Variants in CTSK observed in about 807,000 individuals in gnomAD.
CTSK encodes cathepsin O.
Under a neutral mutation model 40.5 loss-of-function variants are expected in CTSK, and 26 were observed. The observed-to-expected ratio is 0.64, with a 90% CI of 0.47 to 0.89. The LOEUF is 0.89. CTSK is among the 40% of genes least tolerant of loss of function. The probability of loss-of-function intolerance (pLI) is 0.00; values close to 1 mark genes in which losing one functional copy is unlikely to be tolerated. For missense variants in CTSK, 292 were observed against 400.1 expected (o/e 0.73, Z 2.30); for synonymous variants, 132 against 143.2 (o/e 0.92, Z 0.56).
In CTSK at chr1:150,806,737, G is replaced by A. The variant is rs1383729377; in HGVS notation, c.69C>T (p.Asp23=). The change falls in exon 2 of 8, where the codon GAC becomes GAT. Residue 23 remains aspartate (D), a synonymous_variant. Coordinates refer to ENST00000271651, the MANE Select transcript of CTSK (RefSeq NM_000396.4). The part of the protein sequence containing the change: ...SFALYPEEIL[D]THWELWKKTH... ...TCTTCTTCCATAGCTCCCAGTGGGT[G>A]TCCAGTATCTCCTCAGGGTACAGAG... is the stretch of plus-strand genomic sequence containing the variant. 1.2e-6 allele frequency: 2 copies of A among 1,613,908 alleles called. No individual in the cohort carries two copies. Among genetic ancestry groups the A allele is most frequent in the South Asian group, 1.1e-5 (1 of 91,078 alleles).
Position 150,799,194 on chromosome 1 carries a change from T to G in CTSK, c.864A>C (p.Gly288=), listed in dbSNP as rs756301555. 8 of 1,611,976 alleles carry G rather than the reference T, an allele frequency of 5.0e-6. No individual in the cohort carries two copies. In the Admixed American group the frequency reaches 1.3e-4, roughly 27 times the overall value. ...VLAVGYGIQK[G]NKHWIIKNSW... is the part of the protein sequence containing the mutation. Reference sequence around the variant, plus strand: ...TGTTTTTAATTATCCAGTGCTTGTTTCCCTTCTGGATTCCATATCCCACTG... The same window carrying G: ...TGTTTTTAATTATCCAGTGCTTGTTGCCCTTCTGGATTCCATATCCCACTG... The change falls in exon 7 of 8, where the codon GGA becomes GGC. Residue 288 remains glycine (G), a synonymous_variant. Coordinates refer to ENST00000271651, the MANE Select transcript of CTSK (RefSeq NM_000396.4).
rs199555702 is a variant in CTSK at position 150,804,023 on chromosome 1, G to T, written c.616C>A (p.Gln206Lys). ...ATAATTGTGTGGAGCAATCTCACCT[G>T]TCCCACATATGGGTAGGCATCTTCA... ...DSEDAYPYVG[Q>K]EESCMYNPTG... is the part of the protein sequence containing the mutation. The change falls in exon 5 of 8, where the codon CAG (glutamine) becomes AAG (lysine). Residue 206 changes from glutamine (Q) to lysine (K), a missense_variant and splice_region_variant. Physicochemically the swap from Gln to Lys is moderately conservative, Grantham distance 53. Transcript: ENST00000271651. 5 of 1,613,620 alleles carry T rather than the reference G, an allele frequency of 3.1e-6. No homozygotes were observed. The highest frequency in any genetic ancestry group is 4.2e-6 in the Non-Finnish European group (5 of 1,179,546).
chr1:150,796,793 C>A lies in CTSK; in HGVS notation c.*6G>T. The A allele has an allele frequency of 4.4e-6, 7 of 1,603,416 alleles. No homozygotes were observed. Among genetic ancestry groups the A allele is most frequent in the Non-Finnish European group, 6.0e-6 (7 of 1,170,190 alleles). ...GGAAGAGCAGGATGGATTTGGCTGGCTGGAGTCACATCTTGGGGAAGCTGG... is the reference window on the plus strand; with the variant it reads ...GGAAGAGCAGGATGGATTTGGCTGGATGGAGTCACATCTTGGGGAAGCTGG... On this transcript the variant is annotated 3_prime_UTR_variant, in exon 8 of 8. Coordinates refer to ENST00000271651, the MANE Select transcript of CTSK (RefSeq NM_000396.4).
At chr1:150,807,748 T>G (rs1443898149) in intron 1 of CTSK, among the ~76,000 whole-genome samples, 1 of 152,212 alleles carries the variant, frequency 6.6e-6, no homozygotes, top group Non-Finnish European at 1.5e-5. Context: ...CTTACACAAT[T>G]GCTTATAGTC....
intron 5 of CTSK, among the ~76,000 whole-genome samples, chr1:150,802,201 C>G (rs1336726685): frequency 6.6e-6 from 1 of 150,866 alleles, no homozygotes; most frequent in Non-Finnish European, 1.5e-5. Flanking sequence ...TTGCTTGAAT[C>G]CAGGAGGTGG....
intron 6 of CTSK, 22 bp from the exon 7 acceptor site, chr1:150,799,295 T>A: frequency 1.3e-6 from 2 of 1,536,386 alleles, no homozygotes; most frequent in Non-Finnish European, 1.8e-6. Context: ...ACTACCAGCG[T>A]GAGGCTCTAT....
At chr1:150,801,272 T>A (rs1653983672) in intron 5 of CTSK, among the ~76,000 whole-genome samples, 1 of 151,122 alleles carries the variant, frequency 6.6e-6, no homozygotes, top group Admixed American at 6.6e-5. Flanking sequence ...GCGTGCGCAA[T>A]CACACCTGGC....
chr1:150,799,801 A>G (rs1234098602), intron 5 of CTSK, 92 bp from the exon 6 acceptor site: 5 of 1,197,972 alleles, frequency 4.2e-6, no homozygotes, highest in African/African-American at 1.5e-5. Context: ...GAGTGATGCC[A>G]GTGAACTAAC....
chr1:150,798,513 C>T (rs16841797), intron 7 of CTSK, among the ~76,000 whole-genome samples: 7,250 of 152,192 alleles, frequency 0.048, 566 homozygotes, highest in African/African-American at 0.16. Context: ...GTCATCTGCT[C>T]GTTGGTTTAT....
chr1:150,804,750 G>C (rs1022884346), intron 4 of CTSK, among the ~76,000 whole-genome samples: 1 of 152,020 alleles, frequency 6.6e-6, no homozygotes, highest in African/African-American at 2.4e-5. Context: ...TTGTGTCTTA[G>C]TCATCTTGAG....
chr1:150,806,645 T>C (rs1294753462), intron 2 of CTSK, 41 bp downstream of exon 2: 1 of 1,612,694 alleles, frequency 6.2e-7, no homozygotes, highest in South Asian at 1.1e-5. Flanking sequence ...AGAGCTCAGG[T>C]CTCAGCCTTC....
At chr1:150,805,459 G>C (rs1654067609) in intron 4 of CTSK, among the ~76,000 whole-genome samples, 1 of 151,618 alleles carries the variant, frequency 6.6e-6, no homozygotes, top group Non-Finnish European at 1.5e-5. Flanking sequence ...GGCCAACATG[G>C]TGAAAACGCA....
Position 150,804,325 on chromosome 1 carries a change from T to G in CTSK, c.400-86A>C, listed in dbSNP as rs1571126480. On this transcript the variant is annotated intron_variant, in intron 4 of 7. Transcript: ENST00000271651. ...TACCTGCCTGAAGAAATTCCATGTG[T>G]TCTAAAAATTTCAGCACAAATGTTG... 3 of 1,072,676 alleles carry G rather than the reference T, an allele frequency of 2.8e-6. No individual in the cohort carries two copies. The East Asian group carries it at 7.5e-5, about 27-fold the overall frequency. The allele number at this position is 1,072,676 out of a possible 1,614,324, so 66.4% of individuals were successfully genotyped here. A position where few individuals can be genotyped will look rare whatever the true frequency, so the allele number is the denominator to read the frequency against.
chr1:150,798,106 G>A (rs1653909108), intron 7 of CTSK, among the ~76,000 whole-genome samples: 1 of 152,114 alleles, frequency 6.6e-6, no homozygotes, highest in East Asian at 1.9e-4. Flanking sequence ...TTATCAATCT[G>A]CCCCTCCCCA....
At chr1:150,803,881 C>A (rs1654037500) in intron 5 of CTSK, 140 bp downstream of exon 5, 7 of 802,382 alleles carry the variant, frequency 8.7e-6, no homozygotes, top group South Asian at 1.5e-5. Flanking sequence ...ATCTTCTTGG[C>A]CTTCTGTGGG....
chr1:150,804,385 C>G (rs1258132483), intron 4 of CTSK, 146 bp from the exon 5 acceptor site: 1 of 719,770 alleles, frequency 1.4e-6, no homozygotes, highest in Non-Finnish European at 2.5e-6. Flanking sequence ...CGCTTAATAT[C>G]TGTTGCACTG....
Position 150,806,186 on chromosome 1 carries a change from G to A in CTSK, c.159C>T (p.Asn53=), listed in dbSNP as rs1557826617. 1.9e-6 allele frequency: 3 copies of A among 1,614,022 alleles called. No homozygotes were observed. The highest frequency in any genetic ancestry group is 2.5e-6 in the Non-Finnish European group (3 of 1,179,972). ...EISRRLIWEK[N]LKYISIHNLE... ...GGTTATGGATGGAAATATACTTCAG[G>A]TTTTTTTCCCAAATTAAACGCCGAG... Residue 53 remains asparagine (N), a synonymous_variant, in exon 3 of 8, where the codon AAC becomes AAT. Coordinates refer to ENST00000271651, the MANE Select transcript of CTSK (RefSeq NM_000396.4).
In CTSK at chr1:150,806,162, G is replaced by A. The variant is rs587708639; in HGVS notation, c.183C>T (p.Asn61=). The A allele has an allele frequency of 1.9e-6, 3 of 1,614,166 alleles. No homozygotes were observed. In the South Asian group the frequency reaches 3.3e-5, roughly 18 times the overall value. The change falls in exon 3 of 8, where the codon AAC becomes AAT. Residue 61 remains asparagine (N), a synonymous_variant. Transcript: ENST00000271651. The part of the protein sequence containing the change: ...EKNLKYISIH[N]LEASLGVHTY... ...TATGGACACCAAGAGAAGCCTCAAG[G>A]TTATGGATGGAAATATACTTCAGGT...
chr1:150,798,518 G>A (rs1168348136), intron 7 of CTSK, among the ~76,000 whole-genome samples: 1 of 152,154 alleles, frequency 6.6e-6, no homozygotes, highest in Non-Finnish European at 1.5e-5. Flanking sequence ...CTGCTCGTTG[G>A]TTTATGTATG....
Sources: gnomAD v4.1 joint callset for allele counts (sites outside exome capture counted in the v4.1 genomes callset) on GRCh38, gnomAD v4.1.1 for gene constraint, MANE v1.5 for transcripts, NCBI Gene and HGNC (gene_info 2026-07-23, HGNC 2026-07-21) for gene names.